The following FRK variants were observed in gnomAD, a reference collection of about 807,000 sequenced individuals.
The protein encoded by FRK is fyn related Src family tyrosine kinase, also known as tyrosine-protein kinase FRK.
A neutral mutation model predicts 56.4 loss-of-function variants in FRK; 51 were observed. The observed-to-expected ratio is 0.90, with a 90% CI of 0.72 to 1.14. The LOEUF (loss-of-function observed/expected upper bound fraction) is 1.14, where lower values mean the gene tolerates loss of function less well. Ranked by LOEUF, FRK falls within the 50% of genes most tolerant of loss-of-function variation. FRK has a pLI of 0.00. For missense variants in FRK, 570 were observed against 601.4 expected, an observed-to-expected ratio of 0.95 and a Z score of 0.55; for synonymous variants, 245 against 217.9, an observed-to-expected ratio of 1.12 and a Z score of -1.10.
chr6:115,969,031 A>G (rs1233307985), intron 2 of FRK, among the ~76,000 whole-genome samples: 1 of 152,156 alleles, frequency 6.6e-6, no homozygotes, highest in African/African-American at 2.4e-5. Flanking sequence ...AAGCCATAAA[A>G]TTGACTCTAT....
chr6:115,983,370 G>T (rs1774278799), intron 2 of FRK, among the ~76,000 whole-genome samples: 1 of 152,092 alleles, frequency 6.6e-6, no homozygotes, highest in Admixed American at 6.6e-5. Context: ...ACAAGGCACT[G>T]CTCACAGCTC....
chr6:116,096,287 T>C, the FRK span, among the ~76,000 whole-genome samples: 3 of 152,278 alleles, frequency 2.0e-5, no homozygotes, highest in Non-Finnish European at 4.4e-5. Context: ...CCAACAGCAG[T>C]TGGGGTGTCC....
intron 2 of FRK, among the ~76,000 whole-genome samples, chr6:115,987,327 G>C (rs1464055799): frequency 6.6e-6 from 1 of 151,974 alleles, no homozygotes; most frequent in African/African-American, 2.4e-5. Context: ...TCTAGTAATA[G>C]AAAGAACCCA....
chr6:115,949,403 T>A (rs1180413380), intron 5 of FRK, among the ~76,000 whole-genome samples: 4 of 152,212 alleles, frequency 2.6e-5, no homozygotes, highest in African/African-American at 9.6e-5. Flanking sequence ...CCAGTCAGTA[T>A]GATATTGGCT....
chr6:115,948,641 T>C (rs763737057), intron 5 of FRK, among the ~76,000 whole-genome samples: 4 of 152,136 alleles, frequency 2.6e-5, no homozygotes, highest in Non-Finnish European at 5.9e-5. Context: ...AACTTATGAT[T>C]GTTAAATCTA....
At chr6:116,038,898 C>T (rs9398428) in intron 1 of FRK, 591,763 of 592,802 alleles carry the variant, frequency 1, 295,372 homozygotes, top group East Asian at 1. Flanking sequence ...ACTGCCTATA[C>T]CGACTTTGCC....
rs561273499 is a variant in FRK, at chr6:116,000,223, C to CTTTTTTT, written c.466+3647_466+3653dup. On this transcript the variant is annotated intron_variant, in intron 2 of 7. Transcript: ENST00000606080. The stretch of plus-strand genomic sequence containing the variant: ...TTTCCTCATGAAAATATCATTCTTT[C>CTTTTTTT]TTTTTTTTTTTTTTTTTTTTTTTTT... 6.4e-3 allele frequency among the ~76,000 whole-genome samples: 339 copies of CTTTTTTT among 53,060 alleles called. 62 individuals carry two copies. Among genetic ancestry groups the CTTTTTTT allele is most frequent in the African/African-American group, 0.014 (155 of 11,088 alleles). The allele number at this position is 53,060 out of a possible 152,430, so 34.8% of individuals were successfully genotyped here. A position where few individuals can be genotyped will look rare whatever the true frequency, so the allele number is the denominator to read the frequency against.
At chr6:115,947,343 T>C (rs1339359956) in intron 5 of FRK, among the ~76,000 whole-genome samples, 2 of 148,834 alleles carry the variant, frequency 1.3e-5, no homozygotes, top group African/African-American at 4.9e-5. Flanking sequence ...TGTGTGTGTG[T>C]GTGTGTGTGT....
intron 1 of FRK, among the ~76,000 whole-genome samples, chr6:116,005,920 G>A (rs1775230889): frequency 6.6e-6 from 1 of 152,004 alleles, no homozygotes; most frequent in African/African-American, 2.4e-5. Flanking sequence ...ACTGTAAAAG[G>A]CAAACTTCAA....
At chr6:116,039,307 G>A (rs1776622421) in intron 1 of FRK, 12 of 1,422,150 alleles carry the variant, frequency 8.4e-6, no homozygotes, top group East Asian at 6.8e-5. Flanking sequence ...GGAAGTACAC[G>A]AGAAGTTCTG....
At chr6:116,018,858 G>C (rs893647070) in intron 1 of FRK, among the ~76,000 whole-genome samples, 6 of 152,020 alleles carry the variant, frequency 3.9e-5, no homozygotes, top group Admixed American at 6.6e-5. Context: ...ACCCAGGAAA[G>C]GATTTTAAAA....
Position 115,972,825 on chromosome 6 carries a change from G to A in FRK, c.467-4086C>T, listed in dbSNP as rs181860762. ...TAACAGTCATATAAGGTAGTTATTAGGTCCATTTTACTACTCATAAAAGTC... is the reference window on the plus strand; with the variant it reads ...TAACAGTCATATAAGGTAGTTATTAAGTCCATTTTACTACTCATAAAAGTC... On this transcript the variant is annotated intron_variant, in intron 2 of 7. Transcript: ENST00000606080. Among the ~76,000 whole-genome samples, 63 of 152,216 alleles carry A rather than the reference G, an allele frequency of 4.1e-4. 1 individual carries two copies. Among genetic ancestry groups the A allele is most frequent in the Admixed American group, 3.5e-3 (53 of 15,284 alleles).
At chr6:116,014,013 G>C (rs546103331) in intron 1 of FRK, among the ~76,000 whole-genome samples, 12 of 152,222 alleles carry the variant, frequency 7.9e-5, no homozygotes, top group Non-Finnish European at 1.3e-4. Flanking sequence ...AGCAAAACTA[G>C]AGGCTTATGT....
chr6:116,023,844 G>A (rs892819007), intron 1 of FRK, among the ~76,000 whole-genome samples: 15 of 152,162 alleles, frequency 9.9e-5, no homozygotes, highest in African/African-American at 3.6e-4. Flanking sequence ...CCATTGAAAT[G>A]TAAGCTTAAA....
intron 1 of FRK, among the ~76,000 whole-genome samples, chr6:116,029,520 C>T (rs970928410): frequency 2.6e-5 from 4 of 152,018 alleles, no homozygotes; most frequent in African/African-American, 9.7e-5. Flanking sequence ...GTGAGTCATA[C>T]CAAATTCACT....
At chr6:116,085,801 C>T in the FRK span, among the ~76,000 whole-genome samples, 1 of 152,134 alleles carries the variant, frequency 6.6e-6, no homozygotes, top group African/African-American at 2.4e-5. Context: ...TTCTGTAGCA[C>T]TTTTGTATTC....
chr6:116,003,757 G>T, intron 2 of FRK, 120 bp downstream of exon 2: 4 of 1,012,584 alleles, frequency 4.0e-6, no homozygotes, highest in South Asian at 1.8e-5. Flanking sequence ...ATTAATTTTG[G>T]TGCTACTGTA....
chr6:116,051,569 A>G (rs938238981), intron 1 of FRK, among the ~76,000 whole-genome samples: 6 of 152,150 alleles, frequency 3.9e-5, no homozygotes, highest in Admixed American at 3.3e-4. Context: ...CTTCTGTTAC[A>G]TTAATCTTCA....
chr6:116,036,828 T>C (rs561614181), intron 1 of FRK, among the ~76,000 whole-genome samples: 9 of 152,314 alleles, frequency 5.9e-5, no homozygotes, highest in African/African-American at 2.2e-4. Flanking sequence ...AAATGAGCAC[T>C]GTCCTATGTC....
Sources: allele counts gnomAD v4.1 joint callset (sites outside exome capture counted in the v4.1 genomes callset), GRCh38; gene constraint gnomAD v4.1.1; transcripts MANE v1.5; gene names NCBI Gene and HGNC (gene_info 2026-07-23, HGNC 2026-07-21).